The following COA8 variants were observed in gnomAD, a reference collection of about 807,000 sequenced individuals.
The protein encoded by COA8 is UPF0671 protein C14orf153.
Under a neutral mutation model 22.0 loss-of-function variants are expected in COA8, and 20 were observed. The observed-to-expected ratio is 0.91, with a 90% CI of 0.64 to 1.32. The LOEUF (loss-of-function observed/expected upper bound fraction) is 1.32. Ranked by LOEUF, COA8 falls within the 40% of genes most tolerant of loss-of-function variation. COA8 has a pLI of 0.00. For missense variants in COA8, 266 were observed against 230.0 expected (o/e 1.16, Z -1.01); for synonymous variants, 105 against 79.9 (o/e 1.31, Z -1.68).
chr14:103,576,752 G>C (rs2076233140), intron 3 of COA8, among the ~76,000 whole-genome samples: 1 of 152,236 alleles, frequency 6.6e-6, no homozygotes, highest in Non-Finnish European at 1.5e-5. Flanking sequence ...CCTTTCCTCA[G>C]GCTGGCTCCA....
chr14:103,587,632 C>T (rs1240228650), intron 4 of COA8, among the ~76,000 whole-genome samples: 3 of 151,238 alleles, frequency 2.0e-5, no homozygotes, highest in Admixed American at 6.6e-5. Context: ...CTCAGCCTCC[C>T]GAGTAGCTGG....
chr14:103,563,043 T>A lies in COA8; in HGVS notation c.42T>A (p.Pro14=). ...LRAGKKTFLP[P]LCRAFACRGC... ...CGGGGAAGAAGACCTTTCTCCCCCC[T>A]CTCTGCCGCGCCTTCGCCTGCCGCG... is the stretch of plus-strand genomic sequence containing the variant. Residue 14 remains proline (P), a synonymous_variant, in exon 1 of 5, where the codon CCT becomes CCA. Transcript: ENST00000409074. The A allele has an allele frequency of 6.5e-7, 1 of 1,543,440 alleles. No individual in the cohort carries two copies. The highest frequency in any genetic ancestry group is 1.4e-5 in the African/African-American group (1 of 73,434).
At chr14:103,589,028 C>T (rs550060661) in intron 4 of COA8, among the ~76,000 whole-genome samples, 6 of 152,174 alleles carry the variant, frequency 3.9e-5, no homozygotes, top group East Asian at 1.9e-4. Context: ...CTTGTTTGCA[C>T]GGGGCACAGT....
Position 103,587,325 on chromosome 14 carries a change from T to C in COA8, c.437T>C (p.Phe146Ser). The change falls in exon 4 of 5, where the codon TTT becomes TCT. Residue 146 changes from phenylalanine to serine, a missense_variant. By Grantham distance (155) the Phe-to-Ser change is radical. Transcript: ENST00000409074. ...AEEMADFYKE[F>S]LSKNFQKHMY... Reference sequence around the variant, plus strand: ...GAAATGGCGGACTTCTACAAGGAATTTTTAAGTAAAAATTTTCAGAAGCAC... The same window carrying C: ...GAAATGGCGGACTTCTACAAGGAATCTTTAAGTAAAAATTTTCAGAAGCAC... The C allele has an allele frequency of 6.2e-7, 1 of 1,613,384 alleles. No individual in the cohort carries two copies. The highest frequency in any genetic ancestry group is 8.5e-7 in the Non-Finnish European group (1 of 1,179,642).
chr14:103,565,690 A>G (rs978889546), intron 1 of COA8, among the ~76,000 whole-genome samples: 5 of 148,662 alleles, frequency 3.4e-5, no homozygotes, highest in African/African-American at 1.0e-4. Context: ...ATCTCAGCTC[A>G]CTGCAACCTC....
At chr14:103,574,375 C>A in intron 3 of COA8, 1 of 735,510 alleles carries the variant, frequency 1.4e-6, no homozygotes, top group Non-Finnish European at 2.4e-6. Context: ...TCCCTCCTTT[C>A]TCTCCGGATT....
chr14:103,578,988 G>C (rs1046109887), intron 3 of COA8, among the ~76,000 whole-genome samples: 4 of 152,178 alleles, frequency 2.6e-5, no homozygotes, highest in African/African-American at 9.6e-5. Context: ...CACAGCTCTG[G>C]GGCCACACAG....
At chr14:103,583,693 T>C (rs2076285103) in intron 3 of COA8, among the ~76,000 whole-genome samples, 1 of 152,186 alleles carries the variant, frequency 6.6e-6, no homozygotes, top group African/African-American at 2.4e-5. Flanking sequence ...TTGGAGTTCA[T>C]GTCTGATGCC....
rs375531411 is a variant in COA8, at chr14:103,590,171, T to C, written c.477-10T>C. On this transcript the variant is annotated splice_polypyrimidine_tract_variant and intron_variant, in intron 4 of 4. Coordinates refer to ENST00000409074, the MANE Select transcript of COA8 (RefSeq NM_001370595.2). ...ACCGTGTCACCTGTGCATCCTCTGT[T>C]TCTCTACAGAGATTGGTACAAGCGC... is the stretch of plus-strand genomic sequence containing the variant. 7.9e-5 allele frequency: 128 copies of C among 1,611,022 alleles called. No individual in the cohort carries two copies. The African/African-American group carries it at 1.3e-3, about 16-fold the overall frequency.
intron 1 of COA8, chr14:103,563,388 G>C (rs1370653567): frequency 3.1e-6 from 2 of 639,700 alleles, no homozygotes; most frequent in Non-Finnish European, 5.7e-6. Flanking sequence ...TGGCAAGTTT[G>C]TACCTACCTT....
intron 2 of COA8, 104 bp downstream of exon 2, chr14:103,571,924 G>A (rs2076190502): frequency 9.5e-6 from 9 of 947,132 alleles, no homozygotes; most frequent in Middle Eastern, 3.3e-4. Flanking sequence ...TCAGGAGATC[G>A]AGACCATCCT....
At chr14:103,578,836 G>T (rs759052220) in intron 3 of COA8, among the ~76,000 whole-genome samples, 1 of 152,156 alleles carries the variant, frequency 6.6e-6, no homozygotes, top group Non-Finnish European at 1.5e-5. Context: ...GGATACTCCC[G>T]TGGTCACCCT....
intron 2 of COA8, among the ~76,000 whole-genome samples, chr14:103,573,548 T>C (rs750116806): frequency 6.6e-6 from 1 of 151,882 alleles, no homozygotes; most frequent in African/African-American, 2.4e-5. Flanking sequence ...GAGGGTTTTT[T>C]TTGTTGTTGT....
rs2076268620 is a variant in COA8, at chr14:103,581,725, G to A, written c.386-5549G>A. The A allele has an allele frequency of 1.3e-5, 5 of 397,942 alleles. No homozygotes were observed. The highest frequency in any genetic ancestry group is 2.2e-5 in the Non-Finnish European group (5 of 225,868). The allele number at this position is 397,942 out of a possible 1,614,324, so 24.7% of individuals were successfully genotyped here. ...TGACGTAGGAAATGGCAGAACTGAA[G>A]GGAAAAGCAGAGCAGGGGGCTGTAG... On this transcript the variant is annotated intron_variant, in intron 3 of 4. Coordinates refer to ENST00000409074, the MANE Select transcript of COA8 (RefSeq NM_001370595.2). The surrounding 1 kb of genome is among the most constrained non-coding windows in gnomAD (Gnocchi z 4.1).
chr14:103,588,613 G>T (rs2076328882), intron 4 of COA8, among the ~76,000 whole-genome samples: 1 of 152,228 alleles, frequency 6.6e-6, no homozygotes, highest in Admixed American at 6.6e-5. Context: ...GGAGGCCAAG[G>T]CAGATGGATT....
In COA8 at chr14:103,590,421, G is replaced by C. The variant is rs1186921770; in HGVS notation, c.*135G>C. On this transcript the variant is annotated 3_prime_UTR_variant, in exon 5 of 5. Transcript: ENST00000409074. ...TCCTAAGGGGCCCCATGGCCTGTTT[G>C]GGGGCAGGGTAGGTCCTGGGGCACT... 3.8e-6 allele frequency: 3 copies of C among 785,104 alleles called. No homozygotes were observed. Among genetic ancestry groups the C allele is most frequent in the Admixed American group, 5.7e-5 (2 of 35,234 alleles). 48.6% of individuals were successfully genotyped at this position (785,104 alleles called of 1,614,324 possible). A position where few individuals can be genotyped will look rare whatever the true frequency, so the allele number is the denominator to read the frequency against.
intron 1 of COA8, among the ~76,000 whole-genome samples, chr14:103,569,636 C>T (rs541137591): frequency 4.9e-4 from 75 of 152,280 alleles, no homozygotes; most frequent in African/African-American, 1.6e-3. Context: ...CGGGTCAGCT[C>T]GGAGGAGGGA....
Position 103,581,403 on chromosome 14 carries a change from C to T in COA8, c.386-5871C>T, listed in dbSNP as rs1325567220. Among the ~76,000 whole-genome samples, 3 of 151,990 alleles carry T rather than the reference C, an allele frequency of 2.0e-5. No individual in the cohort carries two copies. Among genetic ancestry groups the T allele is most frequent in the East Asian group, 1.9e-4 (1 of 5,170 alleles). ...ACCGAGACGGCTGCTGAGTAACTAACGAGTGGGGCGCGTCTACACTGTGGA... is the reference window on the plus strand; with the variant it reads ...ACCGAGACGGCTGCTGAGTAACTAATGAGTGGGGCGCGTCTACACTGTGGA... On this transcript the variant is annotated intron_variant, in intron 3 of 4. Transcript: ENST00000409074. This position sits in a 1 kb window ranked among gnomAD's most constrained non-coding sequence, Gnocchi z 4.1.
chr14:103,578,270 G>A (rs1024118118), intron 3 of COA8, among the ~76,000 whole-genome samples: 11 of 152,132 alleles, frequency 7.2e-5, no homozygotes, highest in African/African-American at 2.7e-4. Context: ...CATTGCAGAA[G>A]AATGGGAAGA....
Sources: allele counts gnomAD v4.1 joint callset (sites outside exome capture counted in the v4.1 genomes callset), GRCh38; gene constraint gnomAD v4.1.1; non-coding constraint Gnocchi (gnomAD v3.1); transcripts MANE v1.5; gene names NCBI Gene and HGNC (gene_info 2026-07-23, HGNC 2026-07-21).